The following RBPJ variants were observed in gnomAD, a reference collection of about 807,000 sequenced individuals.
RBPJ encodes recombination signal binding protein for immunoglobulin kappa J region, also known as recombining binding protein suppressor of hairless.
RBPJ carries 9 observed loss-of-function variants against 67.8 expected under a neutral mutation model. That is an observed-to-expected ratio of 0.13 (90% CI 0.08 to 0.23). RBPJ has a LOEUF of 0.23. RBPJ is among the 10% of genes least tolerant of loss of function. RBPJ has a pLI of 1.00. For synonymous variants in RBPJ, 198 were observed against 203.3 expected, an observed-to-expected ratio of 0.97 and a Z score of 0.22; for missense variants, 305 against 595.6, an observed-to-expected ratio of 0.51 and a Z score of 5.08.
At chr4:26,401,641 T>C (rs1360612575) in intron 2 of RBPJ, among the ~76,000 whole-genome samples, 1 of 152,226 alleles carries the variant, frequency 6.6e-6, no homozygotes, top group South Asian at 2.1e-4. Flanking sequence ...TTAAAGACTT[T>C]GTAGTCTATT....
intron 1 of RBPJ, among the ~76,000 whole-genome samples, chr4:26,249,842 A>G (rs1720047554): frequency 6.8e-6 from 1 of 146,888 alleles, no homozygotes; most frequent in South Asian, 2.2e-4. Context: ...GCTGGATGCA[A>G]TGGCATGATC....
intron 1 of RBPJ, among the ~76,000 whole-genome samples, chr4:26,244,374 T>TGC (rs1719825844): frequency 1.2e-5 from 1 of 84,814 alleles, no homozygotes; most frequent in African/African-American, 4.0e-5. Flanking sequence ...CACATATGTG[T>TGC]ACACGTGTGT....
chr4:26,270,437 G>GAAAGAAAGAAAGAAAGA lies in RBPJ; in HGVS notation c.-166-92007_-166-92006insAGAAAGAAAGAAAGAAA, dbSNP rs757127437. ...AGAAAGAAAGAAAGAAAGAAAGAAA[G>GAAAGAAAGAAAGAAAGA]AAGAAAGAAAGAAAGAAAGAAAAGA... On this transcript the variant is annotated intron_variant, in intron 1 of 4. Coordinates refer to the RBPJ transcript ENST00000512351. Among the ~76,000 whole-genome samples the GAAAGAAAGAAAGAAAGA allele has an allele frequency of 2.3e-4, 7 of 30,250 alleles. 2 individuals are homozygous for GAAAGAAAGAAAGAAAGA. Among genetic ancestry groups the GAAAGAAAGAAAGAAAGA allele is most frequent in the Admixed American group, 2.1e-3 (4 of 1,900 alleles). 19.8% of individuals were successfully genotyped at this position (30,250 alleles called of 152,430 possible).
chr4:26,128,410 T>C, the RBPJ span, among the ~76,000 whole-genome samples: 2 of 152,196 alleles, frequency 1.3e-5, no homozygotes, highest in African/African-American at 2.4e-5. Flanking sequence ...CAAACATTTA[T>C]TGAGCACTTT....
At chr4:26,427,141 G>T (rs1015341705) in intron 7 of RBPJ, among the ~76,000 whole-genome samples, 1 of 152,174 alleles carries the variant, frequency 6.6e-6, no homozygotes, top group African/African-American at 2.4e-5. Context: ...TAGTATTAAG[G>T]TGGTGAGGGG....
Position 26,282,180 on chromosome 4 carries a change from A to G in RBPJ, c.-166-80266A>G, listed in dbSNP as rs570723638. ...TTGCTAATGTAAATCTTGCCTGTGA[A>G]TCATCTAAAAAGGAATTTTGCTATT... is the stretch of plus-strand genomic sequence containing the variant. On this transcript the variant is annotated intron_variant, in intron 1 of 4. Transcript: ENST00000512351. Among the ~76,000 whole-genome samples the G allele has an allele frequency of 8.8e-4, 125 of 141,498 alleles. 1 individual carries two copies. The highest frequency in any genetic ancestry group is 1.4e-3 in the Non-Finnish European group (93 of 66,594). The allele number at this position is 141,498 out of a possible 152,430, so 92.8% of individuals were successfully genotyped here.
intron 1 of RBPJ, among the ~76,000 whole-genome samples, chr4:26,215,885 A>G (rs1234020055): frequency 6.6e-6 from 1 of 152,188 alleles, no homozygotes; most frequent in Non-Finnish European, 1.5e-5. Context: ...GGTGAGGGGC[A>G]TGGCACTGCA....
At chr4:26,402,943 C>T (rs1244966323) in intron 2 of RBPJ, among the ~76,000 whole-genome samples, 2 of 152,132 alleles carry the variant, frequency 1.3e-5, no homozygotes, top group Non-Finnish European at 2.9e-5. Context: ...CCCACTTCTC[C>T]CAAAACAAAA....
chr4:26,205,227 A>G (rs1407438206), intron 1 of RBPJ, among the ~76,000 whole-genome samples: 1 of 152,016 alleles, frequency 6.6e-6, no homozygotes, highest in African/African-American at 2.4e-5. Flanking sequence ...TAGCAAGGAG[A>G]AGAGATGTGG....
At chr4:26,325,725 T>C (rs149186730) in intron 1 of RBPJ, among the ~76,000 whole-genome samples, 94 of 152,330 alleles carry the variant, frequency 6.2e-4, no homozygotes, top group African/African-American at 2.2e-3. Flanking sequence ...GTTTGCCATT[T>C]TCTCTCCATA....
chr4:26,178,317 T>C (rs529948099), intron 1 of RBPJ, among the ~76,000 whole-genome samples: 25 of 152,292 alleles, frequency 1.6e-4, no homozygotes, highest in African/African-American at 5.8e-4. Flanking sequence ...CCTTATCAAA[T>C]GGAGGGGGCT....
chr4:26,431,065 A>C lies in RBPJ; in HGVS notation c.*58A>C. On this transcript the variant is annotated 3_prime_UTR_variant, in exon 11 of 11. Coordinates refer to ENST00000355476, the MANE Select transcript of RBPJ (RefSeq NM_015874.6). ...TGAGTGTGGCAAAAAGTTAACAAAAAAGGAGAAAAAATGAACAATCGTTTG... is the reference window on the plus strand; with the variant it reads ...TGAGTGTGGCAAAAAGTTAACAAAACAGGAGAAAAAATGAACAATCGTTTG... The C allele has an allele frequency of 6.8e-7, 1 of 1,472,384 alleles. No individual in the cohort carries two copies. The highest frequency in any genetic ancestry group is 1.4e-5 in the African/African-American group (1 of 71,436). The allele number at this position is 1,472,384 out of a possible 1,614,324, so 91.2% of individuals were successfully genotyped here. A position where few individuals can be genotyped will look rare whatever the true frequency, so the allele number is the denominator to read the frequency against.
chr4:26,322,672 TATACAC>T (rs968143210), intron 1 of RBPJ, among the ~76,000 whole-genome samples: 3 of 113,302 alleles, frequency 2.6e-5, no homozygotes, highest in African/African-American at 8.6e-5. Context: ...TATATATATA[TATACAC>T]ACACACACGT....
At chr4:26,320,843 G>A (rs775971882), upstream of RBPJ, 11 of 1,567,456 alleles carry the variant, frequency 7.0e-6, no homozygotes, top group Admixed American at 1.9e-5. Context: ...GCAGCGAGCA[G>A]GATCCCCTAC....
intron 1 of RBPJ, among the ~76,000 whole-genome samples, chr4:26,381,384 A>G (rs1450464027): frequency 6.6e-6 from 1 of 152,120 alleles, no homozygotes; most frequent in East Asian, 1.9e-4. Context: ...GGGAACCTCA[A>G]TACTATTTAC....
intron 1 of RBPJ, among the ~76,000 whole-genome samples, chr4:26,232,579 G>T (rs530547837): frequency 9.1e-4 from 139 of 152,156 alleles, no homozygotes; most frequent in Non-Finnish European, 1.5e-3. Flanking sequence ...ATGCACTTGG[G>T]AGTCTTAGTG....
chr4:26,169,485 G>C (rs1344556690), intron 1 of RBPJ, among the ~76,000 whole-genome samples: 1 of 152,172 alleles, frequency 6.6e-6, no homozygotes, highest in Non-Finnish European at 1.5e-5. Context: ...GCCCCTACTG[G>C]GGGGTGCCTC....
chr4:26,208,638 G>A (rs1328157799), intron 1 of RBPJ, among the ~76,000 whole-genome samples: 1 of 152,166 alleles, frequency 6.6e-6, no homozygotes, highest in Non-Finnish European at 1.5e-5. Context: ...TTTATCCATT[G>A]CTCCTTTGAA....
intron 1 of RBPJ, among the ~76,000 whole-genome samples, chr4:26,198,467 TA>T (rs1560207177): frequency 6.6e-6 from 1 of 152,204 alleles, no homozygotes; most frequent in Non-Finnish European, 1.5e-5. Flanking sequence ...GCACTTATTT[TA>T]TGCTGCATAC....
Sources: gnomAD v4.1 joint callset for allele counts (sites outside exome capture counted in the v4.1 genomes callset) on GRCh38, gnomAD v4.1.1 for gene constraint, MANE v1.5 for transcripts, NCBI Gene and HGNC (gene_info 2026-07-23, HGNC 2026-07-21) for gene names.